The following COL24A1 variants were observed in gnomAD, a reference collection of about 807,000 sequenced individuals.
The protein encoded by COL24A1 is collagen type XXIV alpha 1 chain.
In COL24A1, 224 loss-of-function variants were observed where a neutral mutation model predicts 253.9. That is an observed-to-expected ratio of 0.88 (90% CI 0.79 to 0.99). The LOEUF (loss-of-function observed/expected upper bound fraction) is 0.99. Ranked by LOEUF, COL24A1 falls within the 50% of genes least tolerant of loss-of-function variation. COL24A1 has a pLI of 0.00. For missense variants in COL24A1, 2,131 were observed against 2,068.5 expected, an observed-to-expected ratio of 1.03 and a Z score of -0.59; for synonymous variants, 685 against 673.7, an observed-to-expected ratio of 1.02 and a Z score of -0.26.
intron 1 of COL24A1, among the ~76,000 whole-genome samples, chr1:86,147,719 C>A (rs1348445899): frequency 2.0e-5 from 3 of 152,104 alleles, no homozygotes; most frequent in Non-Finnish European, 4.4e-5. Flanking sequence ...TGTACGTGTG[C>A]CAAACTCTGA....
chr1:85,755,039 A>T (rs1666080893), intron 55 of COL24A1, among the ~76,000 whole-genome samples: 1 of 152,194 alleles, frequency 6.6e-6, no homozygotes, highest in South Asian at 2.1e-4. Context: ...ACAAAGAGAG[A>T]ATTCTGAAAG....
chr1:85,732,513 G>A (rs1663607917), intron 59 of COL24A1, among the ~76,000 whole-genome samples: 1 of 152,152 alleles, frequency 6.6e-6, no homozygotes, highest in Non-Finnish European at 1.5e-5. Context: ...ACAGGCATGA[G>A]CCACTGTGCC....
At chr1:86,138,317 T>C (rs1342723391) in intron 2 of COL24A1, among the ~76,000 whole-genome samples, 2 of 152,118 alleles carry the variant, frequency 1.3e-5, no homozygotes, top group African/African-American at 4.8e-5. Flanking sequence ...AGAGTAGTCT[T>C]GGGGACCCCT....
chr1:85,826,731 G>A (rs1409155841), intron 43 of COL24A1, among the ~76,000 whole-genome samples: 1 of 151,430 alleles, frequency 6.6e-6, no homozygotes, highest in African/African-American at 2.4e-5. Context: ...CTGTTTGTCT[G>A]TTGTTGGTGT....
chr1:86,031,946 A>G (rs1698606745), intron 13 of COL24A1, 24 bp from the exon 14 acceptor site: 1 of 1,598,838 alleles, frequency 6.3e-7, no homozygotes, highest in Non-Finnish European at 8.5e-7. Flanking sequence ...AATTTGCAAT[A>G]CTTATTAAAT....
Position 85,948,590 on chromosome 1 carries a change from TA to T in COL24A1, c.2562+12658del, listed in dbSNP as rs1441484429. ...TCCTGTTTCTTATATTATAAATATT[TA>T]CTTTTTGAGATTTGATGATCCTTAA... On this transcript the variant is annotated intron_variant, in intron 24 of 59. Transcript: ENST00000370571. 4.0e-5 allele frequency among the ~76,000 whole-genome samples: 6 copies of T among 150,674 alleles called. No individual in the cohort carries two copies. The East Asian group carries it at 9.7e-4, about 24-fold the overall frequency.
At chr1:85,967,994 C>T (rs1691740194) in intron 22 of COL24A1, among the ~76,000 whole-genome samples, 1 of 152,138 alleles carries the variant, frequency 6.6e-6, no homozygotes, top group South Asian at 2.1e-4. Flanking sequence ...AATAAGCTGC[C>T]AGTGAATATA....
chr1:86,156,283 G>A (rs1391018751), intron 1 of COL24A1, 58 bp downstream of exon 1: 1 of 1,520,436 alleles, frequency 6.6e-7, no homozygotes, highest in African/African-American at 1.4e-5. Context: ...AGCAGAACCA[G>A]GGGGTGGAGA....
At chr1:85,986,668 T>C (rs151124812) in intron 20 of COL24A1, among the ~76,000 whole-genome samples, 69 of 151,966 alleles carry the variant, frequency 4.5e-4, no homozygotes, top group African/African-American at 1.5e-3. Flanking sequence ...TTAAATGAGA[T>C]AATGACTATA....
chr1:86,022,440 C>T (rs1479123651), intron 17 of COL24A1, 98 bp downstream of exon 17: 1 of 1,289,734 alleles, frequency 7.8e-7, no homozygotes, highest in African/African-American at 1.5e-5. Flanking sequence ...ATATTGATAC[C>T]ACATTCTAAC....
Position 85,783,533 on chromosome 1 carries a change from A to T in COL24A1, c.4247T>A (p.Val1416Asp). 6.2e-7 allele frequency: 1 copy of T among 1,613,498 alleles called. No homozygotes were observed. The highest frequency in any genetic ancestry group is 1.1e-5 in the South Asian group (1 of 91,062). The change falls in exon 51 of 60, where the codon GTT becomes GAT. Residue 1416 changes from valine to aspartate, a missense_variant. Physicochemically the swap from Val to Asp is radical, Grantham distance 152 (BLOSUM62 -3). Transcript: ENST00000370571. ...AGGACCTTTAGGACCTGATATCCCA[A>T]CAATGCCAGCATCCCCTTCAGGACC... ...PKGPEGDAGIVGISGPKGPIG... is the reference protein window; with the variant it reads ...PKGPEGDAGIDGISGPKGPIG...
chr1:85,759,069 G>A (rs1245244632), intron 55 of COL24A1, among the ~76,000 whole-genome samples: 1 of 151,984 alleles, frequency 6.6e-6, no homozygotes, highest in Non-Finnish European at 1.5e-5. Context: ...ATGATCCGCT[G>A]ACCAATGAAT....
chr1:85,813,423 G>GAA (rs71078625), intron 47 of COL24A1, among the ~76,000 whole-genome samples: 36 of 119,754 alleles, frequency 3.0e-4, no homozygotes, highest in Non-Finnish European at 4.2e-4. Context: ...AAACCTTAAA[G>GAA]AAAAAAAAAA....
chr1:85,802,264 G>T (rs1485135417), intron 47 of COL24A1, among the ~76,000 whole-genome samples: 3 of 152,046 alleles, frequency 2.0e-5, no homozygotes, highest in Non-Finnish European at 2.9e-5. Context: ...ACCTTAATAC[G>T]TCCTTCAATA....
At chr1:85,768,244 CAG>C (rs1667575852) in intron 53 of COL24A1, among the ~76,000 whole-genome samples, 2 of 152,204 alleles carry the variant, frequency 1.3e-5, no homozygotes, top group Admixed American at 6.5e-5. Context: ...GAGAGGCAAA[CAG>C]GGGCCAGTTC....
At chr1:86,133,610 T>C (rs1033474541) in intron 2 of COL24A1, among the ~76,000 whole-genome samples, 4 of 152,212 alleles carry the variant, frequency 2.6e-5, no homozygotes, top group African/African-American at 7.2e-5. Flanking sequence ...GAGATAATCA[T>C]GTGGTTTTCG....
chr1:85,790,211 A>T (rs1425411875), intron 47 of COL24A1, among the ~76,000 whole-genome samples: 1 of 152,128 alleles, frequency 6.6e-6, no homozygotes, highest in Admixed American at 6.6e-5. Context: ...TAGGCTATTT[A>T]TTACTGCCTC....
At chr1:85,839,113 C>T (rs1287559890) in intron 42 of COL24A1, among the ~76,000 whole-genome samples, 1 of 152,042 alleles carries the variant, frequency 6.6e-6, no homozygotes, top group African/African-American at 2.4e-5. Flanking sequence ...GCAGGGGGAA[C>T]ACTTGAGCCC....
intron 24 of COL24A1, among the ~76,000 whole-genome samples, chr1:85,945,257 T>C (rs1409921073): frequency 2.6e-5 from 4 of 151,468 alleles, no homozygotes; most frequent in African/African-American, 9.7e-5. Flanking sequence ...GACCTCATGA[T>C]CCGCCCACCT....
Sources: gnomAD v4.1 joint callset for allele counts (sites outside exome capture counted in the v4.1 genomes callset) on GRCh38, gnomAD v4.1.1 for gene constraint, MANE v1.5 for transcripts, NCBI Gene and HGNC (gene_info 2026-07-23, HGNC 2026-07-21) for gene names.